GLUD1: variants seen among roughly 807,000 people sequenced by gnomAD.
GLUD1 encodes the protein glutamate dehydrogenase 1, mitochondrial.
In GLUD1, 22 loss-of-function variants were observed where a neutral mutation model predicts 56.0. That is an observed-to-expected ratio of 0.39 (90% CI 0.28 to 0.56). The LOEUF is 0.56. GLUD1 is among the 20% of genes least tolerant of loss of function. The pLI, the probability that GLUD1 is intolerant of heterozygous loss-of-function variation, is 0.58. For missense variants in GLUD1, 451 were observed against 732.0 expected, an observed-to-expected ratio of 0.62 and a Z score of 4.43; for synonymous variants, 223 against 269.9, an observed-to-expected ratio of 0.83 and a Z score of 1.70.
At chr10:87,058,285 T>A (rs1289412051) in intron 10 of GLUD1, among the ~76,000 whole-genome samples, 1 of 152,214 alleles carries the variant, frequency 6.6e-6, no homozygotes, top group Non-Finnish European at 1.5e-5. Context: ...TCTGTTTCCA[T>A]AACACCCATT....
At chr10:87,074,054 G>C (rs2133823632) in intron 4 of GLUD1, among the ~76,000 whole-genome samples, 1 of 151,966 alleles carries the variant, frequency 6.6e-6, no homozygotes, top group African/African-American at 2.4e-5. Context: ...GAAAATTAAA[G>C]GGTACATGAC....
In GLUD1 at chr10:87,060,752, A is replaced by G; in HGVS notation, c.1133T>C (p.Ile378Thr). 6.2e-7 allele frequency: 1 copy of G among 1,614,192 alleles called. No individual in the cohort carries two copies. Among genetic ancestry groups the G allele is most frequent in the East Asian group, 2.2e-5 (1 of 44,884 alleles). Residue 378 changes from isoleucine to threonine, a missense_variant, in exon 8 of 13, where the codon ATA (isoleucine) becomes ACA (threonine). Physicochemically the swap from Ile to Thr is moderately conservative, Grantham distance 89 (BLOSUM62 -1). Transcript: ENST00000277865. Reference protein sequence around the residue: ...EGSILEADCDILIPAASEKQL... With the variant: ...EGSILEADCDTLIPAASEKQL... ...CTTCTCACTGGCAGCTGGGATCAGT[A>G]TGTCACAGTCGGCCTCCAAGATGCT...
chr10:87,080,203 G>T (rs1160179545), intron 1 of GLUD1, among the ~76,000 whole-genome samples: 1 of 152,042 alleles, frequency 6.6e-6, no homozygotes, highest in Non-Finnish European at 1.5e-5. Context: ...GCCTCCGGAG[G>T]TGCCAGGATT....
chr10:87,068,272 GATCTC>G, intron 4 of GLUD1, 115 bp from the exon 5 acceptor site: 1 of 710,796 alleles, frequency 1.4e-6, no homozygotes, highest in Non-Finnish European at 2.6e-6. Flanking sequence ...GAAAACTTTA[GATCTC>G]ATTTAGGTAG....
intron 1 of GLUD1, among the ~76,000 whole-genome samples, chr10:87,087,932 T>A (rs1201722360): frequency 2.6e-5 from 4 of 152,088 alleles, no homozygotes; most frequent in Non-Finnish European, 5.9e-5. Context: ...TATACAAAAA[T>A]CAGCTAGGTG....
At chr10:87,061,461 T>A (rs1431577889) in intron 6 of GLUD1, among the ~76,000 whole-genome samples, 1 of 152,048 alleles carries the variant, frequency 6.6e-6, no homozygotes, top group Non-Finnish European at 1.5e-5. Context: ...GAGGTTGCAG[T>A]GAGCCGAGAC....
intron 11 of GLUD1, 87 bp from the exon 12 acceptor site, chr10:87,053,491 A>G: frequency 1.2e-6 from 1 of 851,864 alleles, no homozygotes; most frequent in Non-Finnish European, 2.0e-6. Flanking sequence ...TCTCAAGTCA[A>G]TATACAACCA....
chr10:87,084,308 G>A (rs1841332448), intron 1 of GLUD1, among the ~76,000 whole-genome samples: 1 of 152,228 alleles, frequency 6.6e-6, no homozygotes, highest in Admixed American at 6.5e-5. Context: ...GCAGACATCT[G>A]CAACTATATA....
At chr10:87,075,506 T>C (rs1312642794) in intron 3 of GLUD1, among the ~76,000 whole-genome samples, 1 of 152,120 alleles carries the variant, frequency 6.6e-6, no homozygotes, top group Non-Finnish European at 1.5e-5. Flanking sequence ...ACGCTATGAG[T>C]TAATTCTTTA....
chr10:87,052,445 A>G (rs1478355564), intron 12 of GLUD1, among the ~76,000 whole-genome samples: 4 of 152,084 alleles, frequency 2.6e-5, no homozygotes, highest in African/African-American at 9.7e-5. Context: ...CAGAGATTGC[A>G]CCATTGCACT....
At chr10:87,070,487 T>C (rs542153131) in intron 4 of GLUD1, among the ~76,000 whole-genome samples, 5 of 152,126 alleles carry the variant, frequency 3.3e-5, no homozygotes, top group African/African-American at 1.2e-4. Context: ...TAGTCCCAGC[T>C]ACTCGGGAGG....
intron 1 of GLUD1, among the ~76,000 whole-genome samples, chr10:87,078,303 T>G (rs1846457696): frequency 6.6e-6 from 1 of 152,180 alleles, no homozygotes; most frequent in African/African-American, 2.4e-5. Context: ...TATAGCTCAC[T>G]CCCCCATTTC....
chr10:87,052,668 T>TAAAAAAAAAA (rs1285140190), intron 12 of GLUD1, among the ~76,000 whole-genome samples: 672 of 16,532 alleles, frequency 0.041, 13 homozygotes, highest in Middle Eastern at 0.095. Flanking sequence ...AAACTCCGTC[T>TAAAAAAAAAA]CAAAAAAAAA....
chr10:87,062,116 C>T (rs1845954457), intron 6 of GLUD1, among the ~76,000 whole-genome samples: 1 of 152,164 alleles, frequency 6.6e-6, no homozygotes, highest in Non-Finnish European at 1.5e-5. Context: ...CAGGGTTTCA[C>T]CATGTTGGCC....
chr10:87,057,834 A>C (rs779154751), intron 10 of GLUD1, 52 bp from the exon 11 acceptor site: 1 of 961,946 alleles, frequency 1.0e-6, no homozygotes, highest in Non-Finnish European at 1.7e-6. Context: ...AAAAAAAAAA[A>C]AAAGTAGAAT....
Position 87,076,035 on chromosome 10 carries a change from G to A in GLUD1, c.527-12C>T, listed in dbSNP as rs780201965. ...CCCAAACGGCACATCTGAAAGAGAA[G>A]GCTGATGGTTGCTATTCCATATAAA... is the stretch of plus-strand genomic sequence containing the variant. On this transcript the variant is annotated splice_polypyrimidine_tract_variant and intron_variant, in intron 2 of 12. Coordinates refer to ENST00000277865, the MANE Select transcript of GLUD1 (RefSeq NM_005271.5). 12 of 1,584,926 alleles carry A rather than the reference G, an allele frequency of 7.6e-6. No individual in the cohort carries two copies. The Admixed American group carries it at 1.5e-4, about 20-fold the overall frequency.
At chr10:87,061,464 G>A (rs1316523864) in intron 6 of GLUD1, among the ~76,000 whole-genome samples, 1 of 152,076 alleles carries the variant, frequency 6.6e-6, no homozygotes, top group Non-Finnish European at 1.5e-5. Context: ...GTTGCAGTGA[G>A]CCGAGACTGC....
chr10:87,064,088 A>G (rs145352820), intron 5 of GLUD1, among the ~76,000 whole-genome samples: 1 of 152,058 alleles, frequency 6.6e-6, no homozygotes, highest in African/African-American at 2.4e-5. Flanking sequence ...AGTAGAGTAG[A>G]GTATTTTTAG....
At position 87,051,733 on chromosome 10, in the gene GLUD1, A is replaced by C; in HGVS notation, c.*18T>G. ...GTTACATGTGAAGAGGATAGTGAGG[A>C]AGTCAGCCATGATCCATCTATGTGA... is the stretch of plus-strand genomic sequence containing the variant. On this transcript the variant is annotated 3_prime_UTR_variant, in exon 13 of 13. Coordinates refer to ENST00000277865, the MANE Select transcript of GLUD1 (RefSeq NM_005271.5). 6.2e-7 allele frequency: 1 copy of C among 1,611,910 alleles called. No individual in the cohort carries two copies. The highest frequency in any genetic ancestry group is 8.5e-7 in the Non-Finnish European group (1 of 1,179,662).
Sources: gnomAD v4.1 joint callset for allele counts (sites outside exome capture counted in the v4.1 genomes callset) on GRCh38, gnomAD v4.1.1 for gene constraint, MANE v1.5 for transcripts, NCBI Gene and HGNC (gene_info 2026-07-23, HGNC 2026-07-21) for gene names.